Variants in ADAM32 observed in about 807,000 individuals in gnomAD.
ADAM32 encodes disintegrin and metalloproteinase domain-containing protein 32.
Under a neutral mutation model 114.9 loss-of-function variants are expected in ADAM32, and 89 were observed. The observed-to-expected ratio is 0.77, with a 90% CI of 0.65 to 0.92. The LOEUF (loss-of-function observed/expected upper bound fraction) is 0.92. Among genes scored for constraint, ADAM32 ranks in the 40% least tolerant of loss-of-function variants. The pLI, the probability that ADAM32 is intolerant of heterozygous loss-of-function variation, is 0.00. For synonymous variants in ADAM32, 285 were observed against 307.5 expected, an observed-to-expected ratio of 0.93 and a Z score of 0.77; for missense variants, 870 against 932.8, an observed-to-expected ratio of 0.93 and a Z score of 0.88.
intron 22 of ADAM32, among the ~76,000 whole-genome samples, chr8:39,278,201 G>A (rs538031312): frequency 6.5e-4 from 99 of 152,182 alleles, no homozygotes; most frequent in African/African-American, 2.2e-3. Context: ...CCTTCTCTCC[G>A]ACATCCAGCC....
At position 39,107,966 on chromosome 8, in the gene ADAM32, G is replaced by T. The variant is rs976310056; in HGVS notation, c.58+133G>T. The T allele has an allele frequency of 1.5e-5, 19 of 1,231,480 alleles. No individual in the cohort carries two copies. In the African/African-American group the frequency reaches 2.8e-4, roughly 18 times the overall value. The allele number at this position is 1,231,480 out of a possible 1,614,324, so 76.3% of individuals were successfully genotyped here. A position where few individuals can be genotyped will look rare whatever the true frequency, so the allele number is the denominator to read the frequency against. ...CCTGGCAACGGGGCCTTTTCCAGGG[G>T]ATTAGGCGCCCCGTCCGGATGGAGA... On this transcript the variant is annotated intron_variant, in intron 1 of 24. Transcript: ENST00000379907.
chr8:39,138,576 A>G (rs1210608076), intron 3 of ADAM32, among the ~76,000 whole-genome samples: 1 of 152,096 alleles, frequency 6.6e-6, no homozygotes, highest in Non-Finnish European at 1.5e-5. Flanking sequence ...TCTAGCATTG[A>G]TGGACTTTTG....
intron 10 of ADAM32, among the ~76,000 whole-genome samples, chr8:39,186,688 T>C (rs1451131966): frequency 6.6e-6 from 1 of 152,204 alleles, no homozygotes; most frequent in Non-Finnish European, 1.5e-5. Context: ...ATGTTAGGTG[T>C]TCAGTTGTTA....
intron 10 of ADAM32, 65 bp downstream of exon 10, chr8:39,170,062 T>A: frequency 8.0e-7 from 1 of 1,242,394 alleles, no homozygotes; most frequent in Non-Finnish European, 1.1e-6. Context: ...CATGATAGTA[T>A]ATATTTTGTA....
intron 14 of ADAM32, among the ~76,000 whole-genome samples, chr8:39,227,186 C>T (rs1809436780): frequency 6.6e-6 from 1 of 152,156 alleles, no homozygotes; most frequent in Non-Finnish European, 1.5e-5. Context: ...ACCATGAGTG[C>T]CCCAACTGTG....
chr8:39,134,765 A>C (rs922845484), intron 2 of ADAM32, among the ~76,000 whole-genome samples: 2 of 152,236 alleles, frequency 1.3e-5, no homozygotes, highest in Admixed American at 6.5e-5. Flanking sequence ...CAGCTAAACA[A>C]AGTATTATCT....
chr8:39,247,784 T>G (rs953854603), intron 17 of ADAM32, among the ~76,000 whole-genome samples: 1 of 151,908 alleles, frequency 6.6e-6, no homozygotes, highest in Non-Finnish European at 1.5e-5. Context: ...CCAGGTTTTT[T>G]TTTTTTTTCT....
chr8:39,235,242 G>T (rs1413126633), intron 16 of ADAM32, among the ~76,000 whole-genome samples: 1 of 152,124 alleles, frequency 6.6e-6, no homozygotes, highest in Non-Finnish European at 1.5e-5. Context: ...GATGTTCATA[G>T]ATTTGAATTC....
At chr8:39,109,173 A>T (rs1015140902) in intron 1 of ADAM32, among the ~76,000 whole-genome samples, 1 of 152,240 alleles carries the variant, frequency 6.6e-6, no homozygotes, top group East Asian at 1.9e-4. Context: ...GCTTTTGTTT[A>T]TGTGGATTTA....
Position 39,257,353 on chromosome 8 carries a change from AT to A in ADAM32, c.2162+13del. The A allele has an allele frequency of 6.2e-7, 1 of 1,612,694 alleles. No individual in the cohort carries two copies. ...AATTCCCAAGTAGCGAGTAAATTGC[AT>A]TTGTGTTCTGAAGTTAAACATTAGT... On this transcript the variant is annotated intron_variant, in intron 19 of 24. Coordinates refer to ENST00000379907, the MANE Select transcript of ADAM32 (RefSeq NM_145004.7).
intron 12 of ADAM32, among the ~76,000 whole-genome samples, chr8:39,216,311 G>T (rs2129448574): frequency 6.6e-6 from 1 of 152,006 alleles, no homozygotes; most frequent in Middle Eastern, 3.4e-3. Context: ...TGTATTTATT[G>T]TAAGCAACAG....
intron 1 of ADAM32, among the ~76,000 whole-genome samples, chr8:39,112,155 C>A (rs891218932): frequency 1.8e-4 from 28 of 152,244 alleles, no homozygotes; most frequent in African/African-American, 6.7e-4. Flanking sequence ...CTATGTTTAA[C>A]AGTTTGATGG....
chr8:39,153,426 T>A (rs1803964867), intron 6 of ADAM32, among the ~76,000 whole-genome samples: 1 of 152,236 alleles, frequency 6.6e-6, no homozygotes, highest in African/African-American at 2.4e-5. Context: ...TCTTTGTTTA[T>A]GCCTTTGCTT....
intron 12 of ADAM32, among the ~76,000 whole-genome samples, chr8:39,213,203 A>G (rs183645814): frequency 1.3e-5 from 2 of 152,006 alleles, no homozygotes; most frequent in African/African-American, 4.8e-5. Context: ...CAATTTTTTG[A>G]TATATAATAG....
At chr8:39,163,847 T>C (rs1804663792) in intron 7 of ADAM32, among the ~76,000 whole-genome samples, 1 of 152,202 alleles carries the variant, frequency 6.6e-6, no homozygotes, top group Admixed American at 6.5e-5. Flanking sequence ...GTTTTGGATA[T>C]GAGTTTACTC....
intron 2 of ADAM32, chr8:39,129,795 C>T: frequency 6.7e-6 from 2 of 296,364 alleles, no homozygotes; most frequent in Non-Finnish European, 6.8e-6. Context: ...TCATCTGCAC[C>T]TTGGCCTTTC....
At chr8:39,133,877 A>G (rs184934169) in intron 2 of ADAM32, among the ~76,000 whole-genome samples, 33 of 152,296 alleles carry the variant, frequency 2.2e-4, no homozygotes, top group Middle Eastern at 3.4e-3. Context: ...AGACTTACTG[A>G]AGGCCCATGC....
intron 19 of ADAM32, among the ~76,000 whole-genome samples, chr8:39,269,083 G>T (rs960228255): frequency 6.6e-6 from 1 of 152,180 alleles, no homozygotes; most frequent in Non-Finnish European, 1.5e-5. Flanking sequence ...GGCGAGGGAG[G>T]GGGTCTTCCC....
intron 11 of ADAM32, among the ~76,000 whole-genome samples, chr8:39,192,497 C>T (rs2129447446): frequency 6.6e-6 from 1 of 152,288 alleles, no homozygotes; most frequent in Admixed American, 6.5e-5. Context: ...TTAATTGGGG[C>T]ATGTAGCCTG....
Sources: gnomAD v4.1 joint callset for allele counts (sites outside exome capture counted in the v4.1 genomes callset) on GRCh38, gnomAD v4.1.1 for gene constraint, MANE v1.5 for transcripts, NCBI Gene and HGNC (gene_info 2026-07-23, HGNC 2026-07-21) for gene names.